SULF1: variants seen among roughly 807,000 people sequenced by gnomAD.
The protein encoded by SULF1 is extracellular sulfatase Sulf-1.
A neutral mutation model predicts 110.5 loss-of-function variants in SULF1; 46 were observed. The ratio of observed to expected loss-of-function variants is 0.42; its 90% CI spans 0.33 to 0.53. The LOEUF (loss-of-function observed/expected upper bound fraction) is 0.53. Among genes scored for constraint, SULF1 ranks in the 20% least tolerant of loss-of-function variants. The pLI is 0.12. For synonymous variants in SULF1, 371 were observed against 387.1 expected, an observed-to-expected ratio of 0.96 and a Z score of 0.49; for missense variants, 941 against 1,094.2, an observed-to-expected ratio of 0.86 and a Z score of 1.98.
chr8:69,638,464 CTTTT>C, intron 19 of SULF1, 34 bp from the exon 20 acceptor site: 1 of 1,600,084 alleles, frequency 6.2e-7, no homozygotes, highest in Non-Finnish European at 8.5e-7. Flanking sequence ...GTTTTTCACT[CTTTT>C]TGTTTTGTTG....
At chr8:69,641,441 C>T (rs935449481) in intron 22 of SULF1, among the ~76,000 whole-genome samples, 9 of 152,022 alleles carry the variant, frequency 5.9e-5, no homozygotes, top group African/African-American at 2.2e-4. Flanking sequence ...GACAGAGTAC[C>T]GGGAGTCAAG....
chr8:69,579,701 C>A (rs1250617334), intron 6 of SULF1, among the ~76,000 whole-genome samples: 2 of 152,082 alleles, frequency 1.3e-5, no homozygotes, highest in Non-Finnish European at 2.9e-5. Flanking sequence ...AGTTATTGAT[C>A]CAACCATGGA....
chr8:69,642,383 TATATGTTATAGCC>T, intron 22 of SULF1: 1 of 987,120 alleles, frequency 1.0e-6, no homozygotes, highest in Non-Finnish European at 1.2e-6. Flanking sequence ...GACTTTTGGG[TATATGTTATAGCC>T]ATGTATGTAT....
At chr8:69,651,195 G>A (rs1334895257) in intron 22 of SULF1, among the ~76,000 whole-genome samples, 1 of 151,726 alleles carries the variant, frequency 6.6e-6, no homozygotes, top group East Asian at 1.9e-4. Context: ...TGGGATTGCA[G>A]GCACCTGCCA....
intron 3 of SULF1, among the ~76,000 whole-genome samples, chr8:69,523,764 T>C (rs1354673172): frequency 6.6e-6 from 1 of 152,056 alleles, no homozygotes; most frequent in Non-Finnish European, 1.5e-5. Context: ...TGAAGAGCCC[T>C]GCCTTGTCAA....
intron 13 of SULF1, among the ~76,000 whole-genome samples, chr8:69,616,223 TA>T (rs1346147818): frequency 1.4e-5 from 2 of 146,038 alleles, no homozygotes; most frequent in Admixed American, 6.8e-5. Context: ...TATATATATA[TA>T]TATATATTTT....
chr8:69,544,070 G>GT (rs1814057088), intron 3 of SULF1, among the ~76,000 whole-genome samples: 1 of 152,132 alleles, frequency 6.6e-6, no homozygotes, highest in Non-Finnish European at 1.5e-5. Context: ...TGGCTAAGGT[G>GT]TTTCGATTTA....
At chr8:69,610,170 C>G (rs1424469471) in intron 13 of SULF1, among the ~76,000 whole-genome samples, 1 of 152,108 alleles carries the variant, frequency 6.6e-6, no homozygotes, top group African/African-American at 2.4e-5. Flanking sequence ...AATATAAAAT[C>G]AAACATTTGT....
At chr8:69,586,554 A>C (rs1239314175) in intron 7 of SULF1, 46 bp downstream of exon 7, 1 of 1,581,390 alleles carries the variant, frequency 6.3e-7, no homozygotes, top group Non-Finnish European at 8.5e-7. Flanking sequence ...CTTTGTGCAT[A>C]ATGGGGAAAA....
chr8:69,470,380 GA>G (rs1809031635), intron 1 of SULF1, among the ~76,000 whole-genome samples: 1 of 151,982 alleles, frequency 6.6e-6, no homozygotes, highest in South Asian at 2.1e-4. Context: ...ATATCTTATG[GA>G]AAAAAATTGT....
intron 3 of SULF1, among the ~76,000 whole-genome samples, chr8:69,550,354 A>G (rs1389660299): frequency 6.6e-6 from 1 of 152,146 alleles, no homozygotes; most frequent in Non-Finnish European, 1.5e-5. Context: ...TGACTATGAA[A>G]TGTTTAATAT....
intron 19 of SULF1, among the ~76,000 whole-genome samples, chr8:69,630,020 A>C (rs1390106484): frequency 6.6e-6 from 1 of 152,138 alleles, no homozygotes; most frequent in Non-Finnish European, 1.5e-5. Flanking sequence ...TGGATGAACA[A>C]TTTTGCCCCA....
chr8:69,491,470 G>T (rs1809939011), upstream of SULF1, among the ~76,000 whole-genome samples: 1 of 152,178 alleles, frequency 6.6e-6, no homozygotes, highest in Admixed American at 6.5e-5. Context: ...GCACTTACAG[G>T]TCCTCTAATG....
At chr8:69,624,347 G>A (rs543871172) in intron 15 of SULF1, 150 bp downstream of exon 15, 1 of 995,448 alleles carries the variant, frequency 1.0e-6, no homozygotes, top group Non-Finnish European at 1.5e-6. Flanking sequence ...GGGGGTTAAA[G>A]AAACAATGAG....
intron 3 of SULF1, among the ~76,000 whole-genome samples, chr8:69,547,763 C>T (rs985281660): frequency 2.0e-5 from 3 of 152,288 alleles, no homozygotes; most frequent in South Asian, 4.1e-4. Context: ...AGGCAGGACT[C>T]TTTTCTCATT....
chr8:69,506,157 G>T (rs1203907455), intron 3 of SULF1, among the ~76,000 whole-genome samples: 3 of 151,856 alleles, frequency 2.0e-5, no homozygotes, highest in Non-Finnish European at 4.4e-5. Flanking sequence ...TTAAATTTGT[G>T]CATTGTGTTC....
intron 3 of SULF1, among the ~76,000 whole-genome samples, chr8:69,562,476 C>T (rs1219144734): frequency 3.3e-5 from 5 of 152,186 alleles, no homozygotes; most frequent in Non-Finnish European, 7.3e-5. Flanking sequence ...GCTGATGAAA[C>T]AGACTGCTAT....
intron 6 of SULF1, among the ~76,000 whole-genome samples, chr8:69,580,398 G>A (rs1805979353): frequency 6.6e-6 from 1 of 152,082 alleles, no homozygotes; most frequent in Admixed American, 6.6e-5. Context: ...ATTATCCATG[G>A]TTGAGTGATA....
At chr8:69,490,659 G>A (rs370751358), upstream of SULF1, among the ~76,000 whole-genome samples, 2 of 152,238 alleles carry the variant, frequency 1.3e-5, no homozygotes, top group South Asian at 4.1e-4. Flanking sequence ...ACCACCAGAT[G>A]AGATAATATC....
Sources: gnomAD v4.1 joint callset for allele counts (sites outside exome capture counted in the v4.1 genomes callset) on GRCh38, gnomAD v4.1.1 for gene constraint, MANE v1.5 for transcripts, NCBI Gene and HGNC (gene_info 2026-07-23, HGNC 2026-07-21) for gene names.